LYRM4: variants seen among roughly 807,000 people sequenced by gnomAD.
LYRM4 encodes LYR motif-containing protein 4.
LYRM4 carries 9 observed loss-of-function variants against 11.7 expected under a neutral mutation model. The ratio of observed to expected loss-of-function variants is 0.77; its 90% confidence interval spans 0.46 to 1.34. LYRM4 has a LOEUF of 1.34. Among genes scored for constraint, LYRM4 ranks in the 40% most tolerant of loss-of-function variants. The probability of loss-of-function intolerance (pLI) is 0.00; values close to 1 mark genes in which losing one functional copy is unlikely to be tolerated. For missense variants in LYRM4, 133 were observed against 112.5 expected (o/e 1.18, Z -0.82); for synonymous variants, 42 against 40.4 (o/e 1.04, Z -0.15).
chr6:5,119,471 T>C (rs75118391), intron 2 of LYRM4, among the ~76,000 whole-genome samples: 2,705 of 152,186 alleles, frequency 0.018, 41 homozygotes, highest in Non-Finnish European at 0.031. Flanking sequence ...ACCGGCTTGT[T>C]GTCTTTCTGA....
chr6:5,170,506 A>G (rs1213846401), intron 2 of LYRM4, among the ~76,000 whole-genome samples: 1 of 135,124 alleles, frequency 7.4e-6, no homozygotes, highest in Admixed American at 7.4e-5. Flanking sequence ...TTATTTATTT[A>G]TTTAATATTT....
At chr6:5,240,193 T>C (rs1393207479) in intron 1 of LYRM4, among the ~76,000 whole-genome samples, 2 of 152,174 alleles carry the variant, frequency 1.3e-5, no homozygotes, top group Non-Finnish European at 2.9e-5. Context: ...CCAGGCCTTC[T>C]CTACGTCTGC....
At chr6:5,241,786 A>T (rs1763896147) in intron 1 of LYRM4, among the ~76,000 whole-genome samples, 1 of 152,194 alleles carries the variant, frequency 6.6e-6, no homozygotes, top group South Asian at 2.1e-4. Flanking sequence ...GTTATATATC[A>T]ATATCAAAAA....
intron 1 of LYRM4, among the ~76,000 whole-genome samples, chr6:5,231,968 G>A (rs1056931814): frequency 6.6e-6 from 1 of 152,148 alleles, no homozygotes. Context: ...AAGAACTTGA[G>A]GACTTTGAGA....
At chr6:5,058,809 C>T in the LYRM4 span, among the ~76,000 whole-genome samples, 1 of 152,150 alleles carries the variant, frequency 6.6e-6, no homozygotes, top group Non-Finnish European at 1.5e-5. Context: ...CTTTGTTTTC[C>T]ATTTTCTCTT....
At chr6:5,214,221 G>A (rs190341292) in intron 2 of LYRM4, among the ~76,000 whole-genome samples, 83 of 152,096 alleles carry the variant, frequency 5.5e-4, no homozygotes, top group Non-Finnish European at 9.7e-4. Flanking sequence ...CGGAGAGAGA[G>A]AGAATCTGTT....
At chr6:5,204,436 A>G (rs1371775988) in intron 2 of LYRM4, among the ~76,000 whole-genome samples, 1 of 152,160 alleles carries the variant, frequency 6.6e-6, no homozygotes, top group Non-Finnish European at 1.5e-5. Flanking sequence ...GCAGAATCGA[A>G]GGACCCCAAA....
chr6:5,218,390 C>T, intron 1 of LYRM4: 3 of 984,954 alleles, frequency 3.0e-6, no homozygotes, highest in Non-Finnish European at 3.6e-6. Flanking sequence ...GCTCATATAA[C>T]TTATTGGGAA....
At position 5,260,703 on chromosome 6, in the gene LYRM4, A is replaced by C. The variant is rs2224391; in HGVS notation, c.31T>G (p.Ser11Ala). 430,187 of 1,553,322 alleles carry C rather than the reference A, an allele frequency of 0.28. 71,365 individuals are homozygous for C. The highest frequency in any genetic ancestry group is 0.79 in the African/African-American group (57,874 of 73,398). The change falls in exon 1 of 3, where the codon TCT becomes GCT. Residue 11 changes from serine (S) to alanine (A), a missense_variant. Transcript: ENST00000330636. The stretch of plus-strand genomic sequence containing the variant: ...TCTCTCAGCATCGCCCGGTACAGAG[A>C]TAACACTTGTGCGCGACTGGAGGCT... MAASSRAQVL[S>A]LYRAMLRESK...
chr6:5,141,633 G>A (rs1399547953), intron 2 of LYRM4, among the ~76,000 whole-genome samples: 1 of 152,114 alleles, frequency 6.6e-6, no homozygotes, highest in Non-Finnish European at 1.5e-5. Flanking sequence ...TACAGAGCAG[G>A]AAAGTAAAAT....
chr6:5,082,191 C>A, the LYRM4 span, among the ~76,000 whole-genome samples: 13 of 152,136 alleles, frequency 8.5e-5, no homozygotes, highest in Non-Finnish European at 1.3e-4. Context: ...GCCTGGGCAC[C>A]CCGTTTGCAA....
downstream of LYRM4, among the ~76,000 whole-genome samples, chr6:5,101,984 T>TTTTTTTTTTTTTTTTTTTTTTA (rs1561796364): frequency 6.9e-6 from 1 of 144,598 alleles, no homozygotes; most frequent in Non-Finnish European, 1.5e-5. Flanking sequence ...TTTTTTTTTT[T>TTTTTTTTTTTTTTTTTTTTTTA]GGAGAGTTAT....
chr6:5,198,771 C>G (rs1761217254), intron 2 of LYRM4, among the ~76,000 whole-genome samples: 1 of 152,234 alleles, frequency 6.6e-6, no homozygotes, highest in Non-Finnish European at 1.5e-5. Context: ...TCCCTGCTGT[C>G]TTAACCTTCC....
rs987499613 is a variant in LYRM4 at position 5,109,070 on chromosome 6, G to T, written c.*353C>A. The T allele has an allele frequency of 1.8e-5, 19 of 1,059,162 alleles. No individual in the cohort carries two copies. The highest frequency in any genetic ancestry group is 6.6e-5 in the African/African-American group (4 of 60,556). 65.6% of individuals were successfully genotyped at this position (1,059,162 alleles called of 1,614,324 possible). A position where few individuals can be genotyped will look rare whatever the true frequency, so the allele number is the denominator to read the frequency against. The stretch of plus-strand genomic sequence containing the variant: ...GGGAGGGGTTTATCTGGGGTCAAAG[G>T]CTCAGGGAGATCATTCTTTTTATTG... On this transcript the variant is annotated 3_prime_UTR_variant, in exon 3 of 3. Transcript: ENST00000330636.
intron 2 of LYRM4, among the ~76,000 whole-genome samples, chr6:5,121,971 T>C (rs1763476948): frequency 6.6e-6 from 1 of 152,332 alleles, no homozygotes; most frequent in Admixed American, 6.5e-5. Flanking sequence ...TTTGACAAAC[T>C]TTCTGGGGCA....
chr6:5,187,024 G>A, intron 2 of LYRM4: 1 of 968,674 alleles, frequency 1.0e-6, no homozygotes, highest in Non-Finnish European at 1.2e-6. Flanking sequence ...TAGTAAATGG[G>A]GCCCCAAAAT....
At chr6:5,241,714 T>C (rs1412214835) in intron 1 of LYRM4, among the ~76,000 whole-genome samples, 2 of 152,230 alleles carry the variant, frequency 1.3e-5, no homozygotes, top group South Asian at 4.1e-4. Context: ...GAACAGTGCC[T>C]GTTACACGGT....
chr6:5,257,526 G>A (rs1282160323), intron 1 of LYRM4, among the ~76,000 whole-genome samples: 1 of 152,182 alleles, frequency 6.6e-6, no homozygotes, highest in East Asian at 1.9e-4. Context: ...GGTATAGCAG[G>A]GGTCCCCAAC....
At chr6:5,119,491 G>C (rs1026957049) in intron 2 of LYRM4, among the ~76,000 whole-genome samples, 2 of 151,994 alleles carry the variant, frequency 1.3e-5, no homozygotes, top group East Asian at 1.9e-4. Flanking sequence ...AATGTCTCAT[G>C]TTCACTTAAA....
Sources: allele counts gnomAD v4.1 joint callset (sites outside exome capture counted in the v4.1 genomes callset), GRCh38; gene constraint gnomAD v4.1.1; transcripts MANE v1.5; gene names NCBI Gene and HGNC (gene_info 2026-07-23, HGNC 2026-07-21).